Variants in RNF146 observed in about 807,000 individuals in gnomAD.
RNF146 encodes the protein ring finger protein 146.
In RNF146, 11 loss-of-function variants were observed where a neutral mutation model predicts 29.7. The observed-to-expected ratio is 0.37, with a 90% confidence interval of 0.23 to 0.61. The LOEUF is 0.61. RNF146 is among the 20% of genes least tolerant of loss of function. The pLI, the probability that RNF146 is intolerant of heterozygous loss-of-function variation, is 0.66. For synonymous variants in RNF146, 150 were observed against 159.7 expected (o/e 0.94, Z 0.46); for missense variants, 342 against 438.9 (o/e 0.78, Z 1.97).
chr6:127,284,950 C>G (rs1204144542), intron 2 of RNF146, among the ~76,000 whole-genome samples: 1 of 151,660 alleles, frequency 6.6e-6, no homozygotes, highest in Non-Finnish European at 1.5e-5. Flanking sequence ...TCTTTTTCTT[C>G]CAGTGTGGCC....
chr6:127,277,675 C>G (rs940381835), intron 1 of RNF146, among the ~76,000 whole-genome samples: 1 of 151,998 alleles, frequency 6.6e-6, no homozygotes, highest in Admixed American at 6.6e-5. Flanking sequence ...GCCCATCTTT[C>G]TTTTTCACAT....
chr6:127,276,774 T>C (rs1292229170), intron 1 of RNF146, among the ~76,000 whole-genome samples: 2 of 152,012 alleles, frequency 1.3e-5, no homozygotes, highest in African/African-American at 2.4e-5. Context: ...GATTATAATA[T>C]TTGGTTGCTG....
rs761064439 is a variant in RNF146 at position 127,287,294 on chromosome 6, T to C, written c.681T>C (p.Gly227=). 5.6e-6 allele frequency: 9 copies of C among 1,613,388 alleles called. 1 individual carries two copies. Among genetic ancestry groups the C allele is most frequent in the Non-Finnish European group, 7.6e-6 (9 of 1,179,640 alleles). ...SSVRPLTSVD[G]QLTSPATPSP... is the part of the protein sequence containing the mutation. ...TAAGGCCCCTAACATCAGTAGATGG[T>C]CAGTTAACAAGCCCTGCAACACCAT... The change falls in exon 3 of 3, where the codon GGT becomes GGC. Residue 227 remains glycine (G), a synonymous_variant. Coordinates refer to ENST00000368314, the MANE Select transcript of RNF146 (RefSeq NM_001242850.2).
At chr6:127,267,364 C>T (rs1776785516) in intron 1 of RNF146, among the ~76,000 whole-genome samples, 1 of 152,116 alleles carries the variant, frequency 6.6e-6, no homozygotes, top group African/African-American at 2.4e-5. Context: ...GGGTGGCAGG[C>T]GGGTCCCTCT....
intron 1 of RNF146, among the ~76,000 whole-genome samples, chr6:127,273,117 A>T (rs1217909343): frequency 6.6e-6 from 1 of 152,152 alleles, no homozygotes; most frequent in Admixed American, 6.5e-5. Context: ...GGCACTTCAC[A>T]TGGGTCCCAT....
intron 1 of RNF146, among the ~76,000 whole-genome samples, 198 bp from the exon 2 acceptor site, chr6:127,280,033 C>T (rs943298117): frequency 2.6e-5 from 4 of 151,680 alleles, no homozygotes; most frequent in Non-Finnish European, 4.4e-5. Flanking sequence ...CCTCCTTACC[C>T]GTCTGTATGC....
In RNF146 at chr6:127,267,717, A is replaced by T. The variant is rs1039478775; in HGVS notation, c.-109+792A>T. Among the ~76,000 whole-genome samples, 3 of 152,160 alleles carry T rather than the reference A, an allele frequency of 2.0e-5. No individual in the cohort carries two copies. The South Asian group carries it at 6.2e-4, about 31-fold the overall frequency. The stretch of plus-strand genomic sequence containing the variant: ...AGTTGTTTTTGACGGCTGTTGAAGC[A>T]TCGGAACAATTAAGAGATCTCAGAA... On this transcript the variant is annotated intron_variant, in intron 1 of 2. Coordinates refer to ENST00000368314, the MANE Select transcript of RNF146 (RefSeq NM_001242850.2).
intron 2 of RNF146, among the ~76,000 whole-genome samples, chr6:127,284,850 A>G (rs1272606828): frequency 6.6e-6 from 1 of 151,936 alleles, no homozygotes; most frequent in African/African-American, 2.4e-5. Context: ...ACACAAATTC[A>G]TAAGCTTTCT....
At chr6:127,269,571 A>C (rs1777163364) in intron 1 of RNF146, among the ~76,000 whole-genome samples, 1 of 152,210 alleles carries the variant, frequency 6.6e-6, no homozygotes, top group Non-Finnish European at 1.5e-5. Flanking sequence ...AAGGGAAATA[A>C]TTCTTTAAAG....
chr6:127,277,183 T>C (rs1315035325), intron 1 of RNF146, among the ~76,000 whole-genome samples: 1 of 151,996 alleles, frequency 6.6e-6, no homozygotes, highest in South Asian at 2.1e-4. Flanking sequence ...TTAAAGTCAG[T>C]GTGATAGAGA....
chr6:127,268,436 T>TAG (rs1168795005), intron 1 of RNF146, among the ~76,000 whole-genome samples: 1 of 152,220 alleles, frequency 6.6e-6, no homozygotes, highest in African/African-American at 2.4e-5. Context: ...ATTGTTTGTA[T>TAG]AGAGTGTCTG....
rs1266028484 is a variant in RNF146 at position 127,287,263 on chromosome 6, C to T, written c.650C>T (p.Ser217Phe). The change falls in exon 3 of 3, where the codon TCT becomes TTT. Residue 217 changes from serine to phenylalanine, a missense_variant. Ser to Phe is a radical substitution (Grantham distance 155). Coordinates refer to ENST00000368314, the MANE Select transcript of RNF146 (RefSeq NM_001242850.2). The stretch of plus-strand genomic sequence containing the variant: ...GGAGCTTCTGTTCAGCCCCTAGTGT[C>T]TTCTGTAAGGCCCCTAACATCAGTA... ...QSGASVQPLV[S>F]SVRPLTSVDG... 6.2e-7 allele frequency: 1 copy of T among 1,613,426 alleles called. No homozygotes were observed. The highest frequency in any genetic ancestry group is 2.2e-5 in the East Asian group (1 of 44,830).
At position 127,285,272 on chromosome 6, in the gene RNF146, GA is replaced by G. The variant is rs1045759689; in HGVS notation, c.3-1336del. On this transcript the variant is annotated intron_variant, in intron 2 of 2. Transcript: ENST00000368314. ...AAGAACACAGAAAAGGCAGTAAAAA[GA>G]AAAAAAAGGATTGTTTGAAGATTGA... The G allele has an allele frequency of 1.4e-5, 14 of 983,928 alleles. No individual in the cohort carries two copies. The South Asian group carries it at 2.8e-4, about 20-fold the overall frequency. 60.9% of individuals were successfully genotyped at this position (983,928 alleles called of 1,614,324 possible). A position where few individuals can be genotyped will look rare whatever the true frequency, so the allele number is the denominator to read the frequency against.
rs1046167701 is a variant in RNF146, at chr6:127,286,200, T to A, written c.3-416T>A. 6 of 1,230,376 alleles carry A rather than the reference T, an allele frequency of 4.9e-6. No individual in the cohort carries two copies. The highest frequency in any genetic ancestry group is 3.1e-4 in the Middle Eastern group (1 of 3,184). 76.2% of individuals were successfully genotyped at this position (1,230,376 alleles called of 1,614,324 possible). ...CAGGTAAGGAAATTTAGACTAATGG[T>A]TTAACTGAGTGCCTAAGAGCACATA... On this transcript the variant is annotated intron_variant, in intron 2 of 2. Coordinates refer to ENST00000368314, the MANE Select transcript of RNF146 (RefSeq NM_001242850.2). The surrounding 1 kb of genome is among the most constrained non-coding windows in gnomAD (Gnocchi z 4.6).
intron 1 of RNF146, among the ~76,000 whole-genome samples, chr6:127,278,662 T>C (rs1442473092): frequency 6.6e-6 from 1 of 152,066 alleles, no homozygotes; most frequent in East Asian, 1.9e-4. Context: ...TGAGAACCTC[T>C]TCAATTCTAT....
At chr6:127,276,601 G>A (rs1778244674) in intron 1 of RNF146, among the ~76,000 whole-genome samples, 1 of 151,978 alleles carries the variant, frequency 6.6e-6, no homozygotes, top group Non-Finnish European at 1.5e-5. Flanking sequence ...ATGAGATCAG[G>A]AACTGGATAA....
At chr6:127,277,356 G>A (rs1778350445) in intron 1 of RNF146, among the ~76,000 whole-genome samples, 1 of 151,898 alleles carries the variant, frequency 6.6e-6, no homozygotes. Flanking sequence ...CCTTGAAGTT[G>A]GTGAAAGGGT....
intron 1 of RNF146, among the ~76,000 whole-genome samples, chr6:127,273,882 T>G (rs1017429522): frequency 8.5e-5 from 13 of 152,190 alleles, no homozygotes; most frequent in African/African-American, 2.9e-4. Flanking sequence ...TACATTCTTT[T>G]GTTTACTGCT....
intron 1 of RNF146, among the ~76,000 whole-genome samples, chr6:127,276,403 GAA>G (rs1554230516): frequency 1.3e-5 from 2 of 151,870 alleles, no homozygotes; most frequent in Non-Finnish European, 2.9e-5. Flanking sequence ...TGTGGTGAGA[GAA>G]AGGACTTTCT....
Sources: gnomAD v4.1 joint callset for allele counts (sites outside exome capture counted in the v4.1 genomes callset) on GRCh38, gnomAD v4.1.1 for gene constraint, Gnocchi (gnomAD v3.1) non-coding constraint, MANE v1.5 for transcripts, NCBI Gene and HGNC (gene_info 2026-07-23, HGNC 2026-07-21) for gene names.